Variants in PALS2 observed in about 807,000 individuals in gnomAD.
The protein encoded by PALS2 is protein associated with LIN7 2, MAGUK p55 family member, also known as protein PALS2.
Under a neutral mutation model 61.6 loss-of-function variants are expected in PALS2, and 27 were observed. The ratio of observed to expected loss-of-function variants is 0.44; its 90% CI spans 0.32 to 0.60. The LOEUF (loss-of-function observed/expected upper bound fraction) is 0.60, where lower values mean the gene tolerates loss of function less well. Ranked by LOEUF, PALS2 falls within the 20% of genes least tolerant of loss-of-function variation. The pLI, the probability that PALS2 is intolerant of heterozygous loss-of-function variation, is 0.05. For synonymous variants in PALS2, 236 were observed against 218.6 expected (o/e 1.08, Z -0.70); for missense variants, 554 against 639.4 (o/e 0.87, Z 1.44).
At chr7:24,606,202 T>C (rs1337837155) in intron 1 of PALS2, among the ~76,000 whole-genome samples, 1 of 152,200 alleles carries the variant, frequency 6.6e-6, no homozygotes, top group Non-Finnish European at 1.5e-5. Context: ...ATGAAACTTA[T>C]TAACAATTAC....
chr7:24,594,718 C>G (rs531424895), intron 1 of PALS2, among the ~76,000 whole-genome samples: 1 of 152,154 alleles, frequency 6.6e-6, no homozygotes, highest in South Asian at 2.1e-4. Flanking sequence ...GTAGTAACAT[C>G]AAAGAGCACA....
chr7:24,608,597 C>A (rs936985897), intron 1 of PALS2, among the ~76,000 whole-genome samples: 1 of 152,014 alleles, frequency 6.6e-6, no homozygotes, highest in African/African-American at 2.4e-5. Flanking sequence ...TCTGCTGTTA[C>A]ATTTTAATTT....
At chr7:24,632,788 C>T (rs1785054869) in intron 2 of PALS2, among the ~76,000 whole-genome samples, 1 of 152,058 alleles carries the variant, frequency 6.6e-6, no homozygotes. Context: ...TTGTTGCCTG[C>T]TTGCCTGCCT....
chr7:24,680,847 C>T lies in PALS2; in HGVS notation c.1446+327C>T, dbSNP rs1041161650. ...CTGACCTCAGGCAATCTGCCCACCT[C>T]GGCCTCCCAAAGTGCTAGAACTACA... On this transcript the variant is annotated intron_variant, in intron 11 of 11. Transcript: ENST00000222644. Among the ~76,000 whole-genome samples, 7 of 152,194 alleles carry T rather than the reference C, an allele frequency of 4.6e-5. No homozygotes were observed. The East Asian group carries it at 5.8e-4, about 13-fold the overall frequency.
intron 2 of PALS2, among the ~76,000 whole-genome samples, chr7:24,625,716 G>A (rs1379515803): frequency 2.0e-5 from 3 of 152,136 alleles, no homozygotes; most frequent in African/African-American, 7.2e-5. Flanking sequence ...CAGTTGCAAT[G>A]GTTGGATGAC....
At chr7:24,607,141 G>A (rs1198330133) in intron 1 of PALS2, among the ~76,000 whole-genome samples, 1 of 152,070 alleles carries the variant, frequency 6.6e-6, no homozygotes, top group Admixed American at 6.6e-5. Flanking sequence ...TATTTTTCAG[G>A]TAAGAAGATA....
At chr7:24,639,023 G>A (rs1017764174) in intron 2 of PALS2, among the ~76,000 whole-genome samples, 3 of 152,172 alleles carry the variant, frequency 2.0e-5, no homozygotes, top group African/African-American at 4.8e-5. Flanking sequence ...TCAAAGGGAC[G>A]AGTGGTATTC....
At chr7:24,664,020 C>T (rs1786882188) in intron 6 of PALS2, among the ~76,000 whole-genome samples, 1 of 152,136 alleles carries the variant, frequency 6.6e-6, no homozygotes, top group Non-Finnish European at 1.5e-5. Flanking sequence ...CCAAGAAGAA[C>T]TCACTTGGGT....
chr7:24,645,081 AG>A (rs1157592122), intron 3 of PALS2, among the ~76,000 whole-genome samples: 1 of 152,096 alleles, frequency 6.6e-6, no homozygotes, highest in Non-Finnish European at 1.5e-5. Context: ...CACATTCTGT[AG>A]GCTCTTTACT....
chr7:24,648,733 G>A (rs539945196), intron 3 of PALS2, among the ~76,000 whole-genome samples: 9 of 151,892 alleles, frequency 5.9e-5, no homozygotes, highest in Admixed American at 2.0e-4. Context: ...GTGAAACCCC[G>A]TCTCTACTAA....
intron 11 of PALS2, among the ~76,000 whole-genome samples, chr7:24,683,105 A>G (rs1370952244): frequency 6.6e-6 from 1 of 152,180 alleles, no homozygotes; most frequent in South Asian, 2.1e-4. Flanking sequence ...CTCTTTACCT[A>G]CTGGTTTTAG....
chr7:24,617,556 G>C (rs1330924005), intron 1 of PALS2, among the ~76,000 whole-genome samples: 3 of 152,166 alleles, frequency 2.0e-5, no homozygotes, highest in Non-Finnish European at 2.9e-5. Flanking sequence ...TATTGGTTGC[G>C]TGGGGTGCAT....
chr7:24,650,411 C>G, intron 4 of PALS2, 74 bp from the exon 5 acceptor site: 2 of 1,199,130 alleles, frequency 1.7e-6, no homozygotes, highest in Non-Finnish European at 2.3e-6. Context: ...GAATTATTTT[C>G]TTACATATGC....
intron 3 of PALS2, among the ~76,000 whole-genome samples, chr7:24,643,861 G>A (rs756181804): frequency 3.3e-5 from 5 of 152,062 alleles, no homozygotes; most frequent in African/African-American, 1.2e-4. Context: ...TAAGTGATAC[G>A]ATGCAACATG....
At chr7:24,602,475 A>T (rs1188991226) in intron 1 of PALS2, among the ~76,000 whole-genome samples, 3 of 152,210 alleles carry the variant, frequency 2.0e-5, no homozygotes, top group East Asian at 3.9e-4. Flanking sequence ...GTAATACCTG[A>T]TCTTCATGTC....
At position 24,668,627 on chromosome 7, in the gene PALS2, T is replaced by C. The variant is rs201187281; in HGVS notation, c.1081T>C (p.Leu361=). The part of the protein sequence containing the change: ...RRSLKNRFIV[L]NPTRFGTTVP... The stretch of plus-strand genomic sequence containing the variant: ...AAGCTTGAAAAACAGGTTCATAGTA[T>C]TGAATCCCACTAGATTTGGAACTAC... Residue 361 remains leucine, a synonymous_variant, in exon 9 of 12, where the codon TTG becomes CTG. Coordinates refer to ENST00000222644, the MANE Select transcript of PALS2 (RefSeq NM_001303037.2). 5.6e-5 allele frequency: 91 copies of C among 1,613,848 alleles called. No individual in the cohort carries two copies. The highest frequency in any genetic ancestry group is 7.5e-5 in the Non-Finnish European group (88 of 1,179,916).
At chr7:24,623,406 G>A (rs779010659) in intron 1 of PALS2, among the ~76,000 whole-genome samples, 7 of 151,944 alleles carry the variant, frequency 4.6e-5, no homozygotes, top group Admixed American at 2.6e-4. Flanking sequence ...CAGAGCAAGT[G>A]CAAGGTTGTA....
chr7:24,647,036 C>T (rs1475103985), intron 3 of PALS2, among the ~76,000 whole-genome samples: 3 of 151,900 alleles, frequency 2.0e-5, no homozygotes, highest in Non-Finnish European at 4.4e-5. Flanking sequence ...TGGCTCTCCT[C>T]TCTTTTCTTC....
intron 2 of PALS2, among the ~76,000 whole-genome samples, chr7:24,625,844 T>G (rs985232836): frequency 6.6e-6 from 1 of 152,048 alleles, no homozygotes; most frequent in African/African-American, 2.4e-5. Flanking sequence ...ACAATGGTAG[T>G]TCAGTATTCC....
Sources: allele counts gnomAD v4.1 joint callset (sites outside exome capture counted in the v4.1 genomes callset), GRCh38; gene constraint gnomAD v4.1.1; transcripts MANE v1.5; gene names NCBI Gene and HGNC (gene_info 2026-07-23, HGNC 2026-07-21).